The following TMC1 variants were observed in gnomAD, a reference collection of about 807,000 sequenced individuals.
TMC1 encodes transmembrane channel like 1, also known as transmembrane channel-like protein 1.
Under a neutral mutation model 105.8 loss-of-function variants are expected in TMC1, and 84 were observed. The observed-to-expected ratio is 0.79, with a 90% CI of 0.67 to 0.95. TMC1 has a LOEUF of 0.95. TMC1 is among the 40% of genes least tolerant of loss of function. TMC1 has a pLI of 0.00. For synonymous variants in TMC1, 315 were observed against 311.5 expected, an observed-to-expected ratio of 1.01 and a Z score of -0.12; for missense variants, 817 against 914.1, an observed-to-expected ratio of 0.89 and a Z score of 1.37.
At chr9:72,701,644 T>A (rs1826648269) in intron 8 of TMC1, among the ~76,000 whole-genome samples, 1 of 152,148 alleles carries the variant, frequency 6.6e-6, no homozygotes, top group African/African-American at 2.4e-5. Context: ...AGAACTGAAA[T>A]AGCTATCAGG....
rs932595067 is a variant in TMC1, at chr9:72,743,089, C to T, written c.535+564C>T. Among the ~76,000 whole-genome samples, 3 of 151,974 alleles carry T rather than the reference C, an allele frequency of 2.0e-5. No individual in the cohort carries two copies. The East Asian group carries it at 5.8e-4, about 29-fold the overall frequency. ...CGTCTCTACTAAAAGTACAAAAGGC[C>T]GGGCGCGGTGGCTCACGCCTGTAAT... is the stretch of plus-strand genomic sequence containing the variant. On this transcript the variant is annotated intron_variant, in intron 10 of 23. Transcript: ENST00000297784.
intron 5 of TMC1, among the ~76,000 whole-genome samples, chr9:72,682,278 A>G (rs1010061584): frequency 5.3e-5 from 8 of 152,314 alleles, no homozygotes; most frequent in African/African-American, 1.9e-4. Flanking sequence ...TGGTACACAC[A>G]GAAGAAATAT....
chr9:72,688,557 CTT>C (rs1303105851), intron 5 of TMC1, 150 bp from the exon 6 acceptor site: 2 of 681,982 alleles, frequency 2.9e-6, no homozygotes, highest in Non-Finnish European at 2.6e-6. Context: ...AGCTGTATAT[CTT>C]TAATAAATCG....
intron 1 of TMC1, among the ~76,000 whole-genome samples, chr9:72,535,783 G>A (rs1356392649): frequency 6.6e-6 from 1 of 152,182 alleles, no homozygotes; most frequent in Non-Finnish European, 1.5e-5. Context: ...GCCTTCATGT[G>A]TGGAAATCAT....
chr9:72,835,152 C>A (rs1451964228), intron 23 of TMC1, among the ~76,000 whole-genome samples: 1 of 152,074 alleles, frequency 6.6e-6, no homozygotes, highest in Non-Finnish European at 1.5e-5. Flanking sequence ...TCCTCCCCAA[C>A]CCCCTCAAAA....
At chr9:72,764,382 T>C (rs893714323) in intron 12 of TMC1, among the ~76,000 whole-genome samples, 1 of 152,128 alleles carries the variant, frequency 6.6e-6, no homozygotes, top group Non-Finnish European at 1.5e-5. Flanking sequence ...CCCTCTAATA[T>C]GCTTTTAATC....
At chr9:72,694,054 G>T (rs1001222059) in intron 6 of TMC1, among the ~76,000 whole-genome samples, 2 of 151,958 alleles carry the variant, frequency 1.3e-5, no homozygotes, top group African/African-American at 4.8e-5. Context: ...GAACCTCAAG[G>T]GTTGAATGAA....
intron 9 of TMC1, 69 bp from the exon 10 acceptor site, chr9:72,742,375 A>T: frequency 8.4e-7 from 1 of 1,195,894 alleles, no homozygotes; most frequent in Non-Finnish European, 1.2e-6. Flanking sequence ...TAATGTTTTG[A>T]GGTGGGGGAT....
Position 72,628,019 on chromosome 9 carries a change from A to G in TMC1, c.-97A>G. On this transcript the variant is annotated 5_prime_UTR_variant, in exon 4 of 24. Coordinates refer to ENST00000297784, the MANE Select transcript of TMC1 (RefSeq NM_138691.3). Reference sequence around the variant, plus strand: ...TGAGCCTGTGGGGAAGGAACTGTCCACGTGGAGTGGTCTGGTGAATGCTTA... The same window carrying G: ...TGAGCCTGTGGGGAAGGAACTGTCCGCGTGGAGTGGTCTGGTGAATGCTTA... 1 of 455,816 alleles carries G rather than the reference A, an allele frequency of 2.2e-6. No homozygotes were observed. The highest frequency in any genetic ancestry group is 4.4e-6 in the Non-Finnish European group (1 of 226,794). 28.2% of individuals were successfully genotyped at this position (455,816 alleles called of 1,614,324 possible).
At chr9:72,672,449 C>T (rs1026336770) in intron 5 of TMC1, among the ~76,000 whole-genome samples, 13 of 151,700 alleles carry the variant, frequency 8.6e-5, no homozygotes, top group Admixed American at 5.3e-4. Flanking sequence ...TGTAAATGGC[C>T]TAAATACCCC....
chr9:72,543,886 GCCA>G (rs1823719356), intron 1 of TMC1, among the ~76,000 whole-genome samples: 1 of 151,772 alleles, frequency 6.6e-6, no homozygotes. Context: ...ACAGGCATGT[GCCA>G]CCACACCCAG....
intron 8 of TMC1, among the ~76,000 whole-genome samples, chr9:72,725,349 ATATATATATATATATATATG>A (rs751942585): frequency 0.21 from 28,081 of 132,050 alleles, 3,295 homozygotes; most frequent in East Asian, 0.37. Flanking sequence ...ATATATATAT[ATATATATATATATATATATG>A]TATATACACA....
chr9:72,723,642 G>A lies in TMC1; in HGVS notation c.363-16477G>A, dbSNP rs549306719. On this transcript the variant is annotated intron_variant, in intron 8 of 23. Coordinates refer to ENST00000297784, the MANE Select transcript of TMC1 (RefSeq NM_138691.3). ...CAAATAATATTTTGAAATTTTCCCT[G>A]AAAGGATATTGAGAAAAGCCAAATG... 1.2e-3 allele frequency among the ~76,000 whole-genome samples: 189 copies of A among 152,264 alleles called. 1 individual carries two copies. The highest frequency in any genetic ancestry group is 4.4e-3 in the African/African-American group (181 of 41,552).
intron 8 of TMC1, among the ~76,000 whole-genome samples, chr9:72,702,759 C>T (rs1826665203): frequency 6.6e-6 from 1 of 152,040 alleles, no homozygotes; most frequent in Non-Finnish European, 1.5e-5. Context: ...GACAATTTAG[C>T]AAAATCCAGG....
chr9:72,547,551 A>G (rs888290659), intron 1 of TMC1, among the ~76,000 whole-genome samples: 9 of 152,214 alleles, frequency 5.9e-5, no homozygotes, highest in Admixed American at 3.3e-4. Flanking sequence ...ATTCAGTCAT[A>G]TGGTGACTAT....
chr9:72,538,444 A>G (rs1205044181), intron 1 of TMC1, among the ~76,000 whole-genome samples: 2 of 147,732 alleles, frequency 1.4e-5, no homozygotes, highest in Non-Finnish European at 3.0e-5. Context: ...ATTGTATTGT[A>G]TCGTATTTTT....
intron 2 of TMC1, among the ~76,000 whole-genome samples, chr9:72,592,907 A>G (rs1035202006): frequency 1.3e-5 from 2 of 152,190 alleles, no homozygotes; most frequent in African/African-American, 4.8e-5. Flanking sequence ...TTCCTAGGAC[A>G]GTGGGTGTGT....
intron 2 of TMC1, among the ~76,000 whole-genome samples, chr9:72,614,631 C>T (rs1235525122): frequency 6.6e-6 from 1 of 152,150 alleles, no homozygotes; most frequent in Non-Finnish European, 1.5e-5. Flanking sequence ...GTCCAATCTT[C>T]TTAAAATTAG....
At chr9:72,566,391 T>G (rs1039565935) in intron 1 of TMC1, among the ~76,000 whole-genome samples, 53 of 145,238 alleles carry the variant, frequency 3.6e-4, no homozygotes, top group African/African-American at 1.3e-3. Flanking sequence ...TCAAGGGCTA[T>G]CCCTGCCTTT....
Sources: gnomAD v4.1 joint callset for allele counts (sites outside exome capture counted in the v4.1 genomes callset) on GRCh38, gnomAD v4.1.1 for gene constraint, MANE v1.5 for transcripts, NCBI Gene and HGNC (gene_info 2026-07-23, HGNC 2026-07-21) for gene names.